CDH23: variants seen among roughly 807,000 people sequenced by gnomAD.
The protein encoded by CDH23 is cadherin-23.
CDH23 carries 189 observed loss-of-function variants against 317.1 expected under a neutral mutation model. That is an observed-to-expected ratio of 0.60 (90% confidence interval 0.53 to 0.67). The LOEUF (loss-of-function observed/expected upper bound fraction) is 0.67. Among genes scored for constraint, CDH23 ranks in the 30% least tolerant of loss-of-function variants. The pLI is 0.00. For missense variants in CDH23, 4,401 were observed against 4,592.4 expected, an observed-to-expected ratio of 0.96 and a Z score of 1.20; for synonymous variants, 1,839 against 1,876.8, an observed-to-expected ratio of 0.98 and a Z score of 0.52.
At chr10:71,490,116 A>G (rs1026027712) in intron 3 of CDH23, among the ~76,000 whole-genome samples, 27 of 152,130 alleles carry the variant, frequency 1.8e-4, no homozygotes, top group African/African-American at 6.0e-4. Context: ...GACTGTAATA[A>G]TGAAAACTTG....
At chr10:71,711,299 G>A (rs553882428) in intron 27 of CDH23, among the ~76,000 whole-genome samples, 1 of 152,256 alleles carries the variant, frequency 6.6e-6, no homozygotes, top group South Asian at 2.1e-4. Context: ...GTGGTGGGAG[G>A]CTGGTCTGGA....
Position 71,811,380 on chromosome 10 carries a change from T to C in CDH23, c.9143T>C (p.Leu3048Pro). The C allele has an allele frequency of 6.2e-7, 1 of 1,613,932 alleles. No homozygotes were observed. The highest frequency in any genetic ancestry group is 8.5e-7 in the Non-Finnish European group (1 of 1,179,880). ...LRNLFRNYNV[L>P]DVQPAISVRL... Reference sequence around the variant, plus strand: ...AATCTTTTCCGGAACTACAACGTCCTGGACGTGCAGCCTGCCATCTCTGTC... The same window carrying C: ...AATCTTTTCCGGAACTACAACGTCCCGGACGTGCAGCCTGCCATCTCTGTC... Residue 3048 changes from leucine (L) to proline (P), a missense_variant, in exon 63 of 70, where the codon CTG becomes CCG. Physicochemically the swap from Leu to Pro is moderately conservative, Grantham distance 98. Transcript: ENST00000224721.
chr10:71,737,453 A>G (rs993334670), intron 34 of CDH23, among the ~76,000 whole-genome samples: 15 of 152,234 alleles, frequency 9.9e-5, no homozygotes, highest in African/African-American at 2.9e-4. Context: ...AGAGCTGCCT[A>G]CAGATAGGGG....
intron 6 of CDH23, among the ~76,000 whole-genome samples, chr10:71,524,355 T>C (rs1854895923): frequency 6.6e-6 from 1 of 152,118 alleles, no homozygotes; most frequent in Non-Finnish European, 1.5e-5. Flanking sequence ...AGGAATTCCA[T>C]GAACCAGCCC....
At chr10:71,530,048 C>CACACACACAT (rs1750695423) in intron 6 of CDH23, among the ~76,000 whole-genome samples, 1 of 149,892 alleles carries the variant, frequency 6.7e-6, no homozygotes, top group African/African-American at 2.5e-5. Context: ...CACACACACA[C>CACACACACAT]ACACACACAC....
chr10:71,587,157 G>T (rs562376972), intron 9 of CDH23, among the ~76,000 whole-genome samples: 2 of 152,216 alleles, frequency 1.3e-5, no homozygotes, highest in Non-Finnish European at 2.9e-5. Context: ...GCTTAGGGCC[G>T]CATGGCAAAT....
At chr10:71,560,470 G>GT (rs1039093761) in intron 6 of CDH23, among the ~76,000 whole-genome samples, 1 of 152,020 alleles carries the variant, frequency 6.6e-6, no homozygotes, top group Non-Finnish European at 1.5e-5. Context: ...TTGAGGAGGG[G>GT]CCCTGAGCCC....
At chr10:71,455,462 A>G (rs960622620) in intron 3 of CDH23, among the ~76,000 whole-genome samples, 3 of 152,312 alleles carry the variant, frequency 2.0e-5, no homozygotes, top group East Asian at 1.9e-4. Flanking sequence ...GATTAGATAG[A>G]TAGATAGGTA....
chr10:71,560,127 C>G (rs1857057141), intron 6 of CDH23, among the ~76,000 whole-genome samples: 1 of 152,210 alleles, frequency 6.6e-6, no homozygotes, highest in Admixed American at 6.5e-5. Flanking sequence ...GCTGGAATGC[C>G]ACAAACCCCC....
chr10:71,813,105 C>G, intron 68 of CDH23, 139 bp from the exon 69 acceptor site: 1 of 1,106,810 alleles, frequency 9.0e-7, no homozygotes, highest in Non-Finnish European at 1.3e-6. Context: ...GCCACTGTCT[C>G]CAGGCTCTGC....
intron 6 of CDH23, among the ~76,000 whole-genome samples, chr10:71,520,971 A>T (rs1390190207): frequency 6.6e-6 from 1 of 151,906 alleles, no homozygotes; most frequent in African/African-American, 2.4e-5. Flanking sequence ...GAATTATTAT[A>T]ATTTCTCTGA....
chr10:71,497,914 G>C (rs967603171), intron 3 of CDH23, among the ~76,000 whole-genome samples: 1 of 152,188 alleles, frequency 6.6e-6, no homozygotes, highest in African/African-American at 2.4e-5. Context: ...TCCCTCCCCT[G>C]TGTGCATCGT....
intron 14 of CDH23, among the ~76,000 whole-genome samples, chr10:71,653,165 T>C (rs1429415660): frequency 6.6e-6 from 1 of 152,156 alleles, no homozygotes; most frequent in Non-Finnish European, 1.5e-5. Flanking sequence ...TCCTGCCACA[T>C]CAGCAGACAG....
At chr10:71,499,703 G>A (rs1416013340) in intron 3 of CDH23, among the ~76,000 whole-genome samples, 1 of 151,892 alleles carries the variant, frequency 6.6e-6, no homozygotes, top group Admixed American at 6.6e-5. Flanking sequence ...GCTGAGCATG[G>A]TGGTGCATGC....
chr10:71,499,242 G>T (rs1257516409), intron 3 of CDH23, among the ~76,000 whole-genome samples: 1 of 152,162 alleles, frequency 6.6e-6, no homozygotes, highest in Non-Finnish European at 1.5e-5. Flanking sequence ...GTTACCAGTG[G>T]CTGGGGAGAG....
intron 9 of CDH23, among the ~76,000 whole-genome samples, chr10:71,584,668 A>G (rs1858919347): frequency 6.6e-6 from 1 of 152,020 alleles, no homozygotes. Context: ...GCCATGGCCT[A>G]GTGGGGGACA....
At chr10:71,505,174 A>G (rs1853566004) in intron 3 of CDH23, among the ~76,000 whole-genome samples, 1 of 152,202 alleles carries the variant, frequency 6.6e-6, no homozygotes, top group Admixed American at 6.5e-5. Context: ...TGAGACAGGA[A>G]GGGAGGGAAG....
intron 11 of CDH23, among the ~76,000 whole-genome samples, chr10:71,628,114 G>A (rs931333630): frequency 2.0e-5 from 3 of 152,176 alleles, no homozygotes; most frequent in Non-Finnish European, 4.4e-5. Flanking sequence ...AGCACAGCTC[G>A]GCTGGGAGTT....
At chr10:71,809,673 G>A in intron 60 of CDH23, 147 bp from the exon 61 acceptor site, 1 of 1,120,410 alleles carries the variant, frequency 8.9e-7, no homozygotes, top group Non-Finnish European at 1.2e-6. Context: ...GTTCCCACTT[G>A]CCTGTCACCT....
Sources: gnomAD v4.1 joint callset for allele counts (sites outside exome capture counted in the v4.1 genomes callset) on GRCh38, gnomAD v4.1.1 for gene constraint, MANE v1.5 for transcripts, NCBI Gene and HGNC (gene_info 2026-07-23, HGNC 2026-07-21) for gene names.